Variants in EML4 observed in about 807,000 individuals in gnomAD.
EML4 encodes the protein EMAP like 4.
EML4 carries 72 observed loss-of-function variants against 129.0 expected under a neutral mutation model. That is an observed-to-expected ratio of 0.56 (90% CI 0.46 to 0.68). EML4 has a LOEUF of 0.68. Among genes scored for constraint, EML4 ranks in the 30% least tolerant of loss-of-function variants. The pLI is 0.00. For synonymous variants in EML4, 532 were observed against 405.0 expected (o/e 1.31, Z -3.77); for missense variants, 1,363 against 1,190.6 (o/e 1.14, Z -2.13).
rs368443984 is a variant in EML4, at chr2:42,280,989, A to G, written c.791+16A>G. ...TGGAGTGGGCGTATCCTTCTCTACC[A>G]TGACAGCAAATTCATTTGCTTTGTC... On this transcript the variant is annotated intron_variant, in intron 7 of 22. Coordinates refer to ENST00000318522, the MANE Select transcript of EML4 (RefSeq NM_019063.5). The G allele has an allele frequency of 1.2e-5, 18 of 1,551,868 alleles. 1 individual carries two copies. The highest frequency in any genetic ancestry group is 1.7e-4 in the Middle Eastern group (1 of 5,820).
At chr2:42,178,467 C>A (rs1670743730) in intron 1 of EML4, among the ~76,000 whole-genome samples, 1 of 151,952 alleles carries the variant, frequency 6.6e-6, no homozygotes, top group Admixed American at 6.6e-5. Flanking sequence ...TCGCTTGAGC[C>A]CAGGAGGTGG....
At chr2:42,323,964 A>G (rs1669657437) in intron 19 of EML4, among the ~76,000 whole-genome samples, 1 of 150,786 alleles carries the variant, frequency 6.6e-6, no homozygotes, top group Admixed American at 6.6e-5. Context: ...AAAAGAAAAG[A>G]AAAAGAAAAA....
At chr2:42,193,932 C>G (rs1671753687) in intron 1 of EML4, among the ~76,000 whole-genome samples, 1 of 152,066 alleles carries the variant, frequency 6.6e-6, no homozygotes, top group Non-Finnish European at 1.5e-5. Context: ...TGATCCTCTC[C>G]CTTTGGCCTC....
chr2:42,240,482 G>A (rs564051141), intron 1 of EML4, among the ~76,000 whole-genome samples: 1 of 152,034 alleles, frequency 6.6e-6, no homozygotes, highest in Non-Finnish European at 1.5e-5. Flanking sequence ...GTGTGTTTTG[G>A]TGTGTGTCTA....
Position 42,328,969 on chromosome 2 carries a change from G to T in EML4, c.2425G>T (p.Asp809Tyr), listed in dbSNP as rs202008623. 6.2e-7 allele frequency: 1 copy of T among 1,613,406 alleles called. No homozygotes were observed. The highest frequency in any genetic ancestry group is 8.5e-7 in the Non-Finnish European group (1 of 1,179,910). The stretch of plus-strand genomic sequence containing the variant: ...TAGAAAGGTGATAGCTGTTGCCGAT[G>T]ACTTTTGTAAAGTCCATCTGTTTCA... ...HNRKVIAVAD[D>Y]FCKVHLFQYP... is the part of the protein sequence containing the mutation. The change falls in exon 22 of 23, where the codon GAC becomes TAC. Residue 809 changes from aspartate to tyrosine, a missense_variant. Asp to Tyr is a radical substitution (Grantham distance 160). Transcript: ENST00000318522.
chr2:42,191,483 G>A (rs1168093524), intron 1 of EML4, among the ~76,000 whole-genome samples: 2 of 152,104 alleles, frequency 1.3e-5, no homozygotes, highest in Non-Finnish European at 2.9e-5. Context: ...TGTGTTGAAA[G>A]GGCAGGGTCA....
chr2:42,308,020 G>GT (rs1315298042), intron 17 of EML4, among the ~76,000 whole-genome samples: 5 of 152,132 alleles, frequency 3.3e-5, no homozygotes, highest in African/African-American at 9.7e-5. Flanking sequence ...AAAGTGACTA[G>GT]TAAAAAAAAG....
intron 1 of EML4, among the ~76,000 whole-genome samples, chr2:42,197,187 C>T (rs966424326): frequency 1.3e-5 from 2 of 152,070 alleles, no homozygotes; most frequent in Non-Finnish European, 1.5e-5. Context: ...CTCAGATTCC[C>T]GAGTGGCTGG....
chr2:42,231,184 G>T (rs902391339), intron 1 of EML4, among the ~76,000 whole-genome samples: 1 of 152,160 alleles, frequency 6.6e-6, no homozygotes, highest in Admixed American at 6.5e-5. Flanking sequence ...GGCCAAATCA[G>T]ATGGACCATT....
At chr2:42,300,189 T>G (rs1328384976) in intron 13 of EML4, among the ~76,000 whole-genome samples, 1 of 152,222 alleles carries the variant, frequency 6.6e-6, no homozygotes, top group Non-Finnish European at 1.5e-5. Flanking sequence ...GTTTATTGAC[T>G]TACTTTGGCC....
At chr2:42,295,649 C>A in intron 13 of EML4, 133 bp downstream of exon 13, 1 of 655,810 alleles carries the variant, frequency 1.5e-6, no homozygotes, top group Non-Finnish European at 2.5e-6. Flanking sequence ...CTTTTGTTTT[C>A]AGCATTCTTC....
chr2:42,294,686 G>A (rs1025562146), intron 11 of EML4, among the ~76,000 whole-genome samples: 2 of 151,068 alleles, frequency 1.3e-5, no homozygotes, highest in African/African-American at 4.9e-5. Flanking sequence ...GACAGAGCAA[G>A]ACTGTGTCTT....
intron 8 of EML4, among the ~76,000 whole-genome samples, chr2:42,283,406 A>G (rs981210046): frequency 6.6e-6 from 1 of 152,242 alleles, no homozygotes; most frequent in African/African-American, 2.4e-5. Context: ...AATAAGGATC[A>G]TAAGTATGCC....
chr2:42,240,281 C>T lies in EML4; in HGVS notation c.26-5224C>T, dbSNP rs375739496. On this transcript the variant is annotated intron_variant, in intron 1 of 22. Coordinates refer to ENST00000318522, the MANE Select transcript of EML4 (RefSeq NM_019063.5). ...TAATACACATTTTTATTGTGAAATT[C>T]GAATAATACAGGAATACATACACTA... Among the ~76,000 whole-genome samples the T allele has an allele frequency of 1.2e-4, 18 of 152,228 alleles. No individual in the cohort carries two copies. In the East Asian group the frequency reaches 1.7e-3, roughly 15 times the overall value.
chr2:42,236,059 C>T (rs1302676561), intron 1 of EML4, among the ~76,000 whole-genome samples: 1 of 152,086 alleles, frequency 6.6e-6, no homozygotes, highest in Non-Finnish European at 1.5e-5. Flanking sequence ...GTCTCACTGT[C>T]CTATCCTCTG....
intron 1 of EML4, among the ~76,000 whole-genome samples, chr2:42,242,314 G>C (rs1675090245): frequency 6.6e-6 from 1 of 152,144 alleles, no homozygotes; most frequent in South Asian, 2.1e-4. Context: ...TATCCATATA[G>C]TTTACTGACT....
chr2:42,294,611 A>T (rs1357044077), intron 11 of EML4, among the ~76,000 whole-genome samples: 1 of 152,018 alleles, frequency 6.6e-6, no homozygotes, highest in Non-Finnish European at 1.5e-5. Context: ...CAGGAGAACC[A>T]CTTGAACTCC....
At chr2:42,220,698 A>C (rs537108742) in intron 1 of EML4, among the ~76,000 whole-genome samples, 3 of 152,320 alleles carry the variant, frequency 2.0e-5, no homozygotes, top group Admixed American at 2.0e-4. Flanking sequence ...TAGATGAAGA[A>C]GGCATGTCAA....
intron 1 of EML4, among the ~76,000 whole-genome samples, chr2:42,213,913 G>A (rs937147682): frequency 2.0e-5 from 3 of 152,118 alleles, no homozygotes. Flanking sequence ...GTTATAATTT[G>A]TAAGCTGAAT....
Sources: gnomAD v4.1 joint callset for allele counts (sites outside exome capture counted in the v4.1 genomes callset) on GRCh38, gnomAD v4.1.1 for gene constraint, MANE v1.5 for transcripts, NCBI Gene and HGNC (gene_info 2026-07-23, HGNC 2026-07-21) for gene names.